The following CSPP1 variants were observed in gnomAD, a reference collection of about 807,000 sequenced individuals.
The protein encoded by CSPP1 is centrosome and spindle pole-associated protein 1.
CSPP1 carries 126 observed loss-of-function variants against 164.4 expected under a neutral mutation model. The ratio of observed to expected loss-of-function variants is 0.77; its 90% CI spans 0.66 to 0.89. The LOEUF (loss-of-function observed/expected upper bound fraction) is 0.89, where lower values mean the gene tolerates loss of function less well. Among genes scored for constraint, CSPP1 ranks in the 40% least tolerant of loss-of-function variants. The pLI is 0.00. For missense variants in CSPP1, 1,395 were observed against 1,449.8 expected (o/e 0.96, Z 0.61); for synonymous variants, 472 against 476.7 (o/e 0.99, Z 0.13).
chr8:67,170,195 A>C (rs1462140466), intron 24 of CSPP1, among the ~76,000 whole-genome samples: 2 of 151,758 alleles, frequency 1.3e-5, no homozygotes, highest in African/African-American at 2.4e-5. Flanking sequence ...CTGTAATCCC[A>C]GCACTTTGGG....
rs763319279 is a variant in CSPP1, at chr8:67,172,487, A to G, written c.2900A>G (p.Gln967Arg). The G allele has an allele frequency of 6.2e-7, 1 of 1,613,370 alleles. No homozygotes were observed. The highest frequency in any genetic ancestry group is 1.1e-5 in the South Asian group (1 of 91,068). ...RHRLQAPVRR[Q>R]SPKGLDAATF... is the part of the protein sequence containing the mutation. The stretch of plus-strand genomic sequence containing the variant: ...CGGTTGCAAGCTCCTGTCAGAAGAC[A>G]GTCCCCTAAGGGCTTAGACGCTGCC... The change falls in exon 25 of 31, where the codon CAG becomes CGG. Residue 967 changes from glutamine (Q) to arginine (R), a missense_variant. Gln to Arg is a conservative substitution (Grantham distance 43, BLOSUM62 1). Coordinates refer to ENST00000678616, the MANE Select transcript of CSPP1 (RefSeq NM_001382391.1).
chr8:67,123,244 G>C (rs1352411572), intron 15 of CSPP1: 1 of 152,084 alleles, frequency 6.6e-6, no homozygotes, highest in Non-Finnish European at 1.5e-5. Flanking sequence ...AATTCTGTCA[G>C]TTTTTGTTTC....
chr8:67,134,726 A>C (rs2129554656), intron 16 of CSPP1: 2 of 151,838 alleles, frequency 1.3e-5, no homozygotes, highest in Middle Eastern at 3.4e-3. Context: ...TGCCCGGCTA[A>C]TTTTTATTTT....
At chr8:67,188,678 G>C (rs968648202) in intron 28 of CSPP1, among the ~76,000 whole-genome samples, 18 of 152,120 alleles carry the variant, frequency 1.2e-4, no homozygotes, top group Non-Finnish European at 4.4e-5. Flanking sequence ...GTTTGCCGCC[G>C]TTGCAGACCT....
chr8:67,161,968 G>A (rs1648120320), intron 22 of CSPP1, 53 bp downstream of exon 22: 3 of 1,174,474 alleles, frequency 2.6e-6, no homozygotes, highest in Non-Finnish European at 3.8e-6. Flanking sequence ...TTTGGATTGG[G>A]GGATCGAATG....
chr8:67,131,741 C>T (rs914518965), intron 15 of CSPP1, among the ~76,000 whole-genome samples: 1 of 152,136 alleles, frequency 6.6e-6, no homozygotes, highest in Non-Finnish European at 1.5e-5. Context: ...GAAATAGATA[C>T]AGTGAATTTG....
At chr8:67,167,875 C>T (rs1175060808) in intron 24 of CSPP1, among the ~76,000 whole-genome samples, 2 of 152,132 alleles carry the variant, frequency 1.3e-5, no homozygotes, top group Non-Finnish European at 2.9e-5. Flanking sequence ...CAGAGATGCT[C>T]CTCACTTCCC....
chr8:67,107,712 C>T (rs1328390018), intron 9 of CSPP1, among the ~76,000 whole-genome samples: 2 of 152,040 alleles, frequency 1.3e-5, no homozygotes, highest in Non-Finnish European at 2.9e-5. Flanking sequence ...AATTTATCTT[C>T]CTATAATTTT....
chr8:67,095,278 T>G lies in CSPP1; in HGVS notation c.484-15T>G, dbSNP rs199671558. On this transcript the variant is annotated splice_polypyrimidine_tract_variant and intron_variant, in intron 6 of 30. Coordinates refer to ENST00000678616, the MANE Select transcript of CSPP1 (RefSeq NM_001382391.1). ...TTGTCAAGTTTTGTTTCTTTTTTCT[T>G]TTTTAATTGAACAGCCCAAGAGTCA... The G allele has an allele frequency of 4.8e-4, 733 of 1,513,298 alleles. 2 individuals carry two copies. The African/African-American group carries it at 9.5e-3, about 20-fold the overall frequency. The allele number at this position is 1,513,298 out of a possible 1,614,324, so 93.7% of individuals were successfully genotyped here.
chr8:67,190,655 T>G lies in CSPP1; in HGVS notation c.3226T>G (p.Tyr1076Asp). 3 of 1,613,774 alleles carry G rather than the reference T, an allele frequency of 1.9e-6. No homozygotes were observed. Among genetic ancestry groups the G allele is most frequent in the South Asian group, 1.1e-5 (1 of 91,072 alleles). The change falls in exon 29 of 31, where the codon TAC (tyrosine) becomes GAC (aspartate). Residue 1076 changes from tyrosine to aspartate, a missense_variant. Physicochemically the swap from Tyr to Asp is radical, Grantham distance 160 (BLOSUM62 -3). Coordinates refer to ENST00000678616, the MANE Select transcript of CSPP1 (RefSeq NM_001382391.1). ...LESDSAFIGA[Y>D]GETYPAIEDD... ...GCTTTTCGGGGTCCTCTTAGGGGCTTACGGTGAGACATATCCTGCCATTGA... is the reference window on the plus strand; with the variant it reads ...GCTTTTCGGGGTCCTCTTAGGGGCTGACGGTGAGACATATCCTGCCATTGA...
intron 18 of CSPP1, 124 bp from the exon 19 acceptor site, chr8:67,153,900 G>C: frequency 1.8e-6 from 1 of 561,732 alleles, no homozygotes; most frequent in Non-Finnish European, 3.1e-6. Flanking sequence ...TTCCCCTTCT[G>C]ATTTTAATCT....
chr8:67,076,471 G>A lies in CSPP1; in HGVS notation c.100-11G>A, dbSNP rs1156835503. 3 of 1,491,398 alleles carry A rather than the reference G, an allele frequency of 2.0e-6. No individual in the cohort carries two copies. Among genetic ancestry groups the A allele is most frequent in the South Asian group, 1.2e-5 (1 of 81,928 alleles). The allele number at this position is 1,491,398 out of a possible 1,614,324, so 92.4% of individuals were successfully genotyped here. The stretch of plus-strand genomic sequence containing the variant: ...TTCCTCTTGCTTTTGTAAACATTAT[G>A]TCTCTTTCAGGGAAAGTTGTCAGCG... On this transcript the variant is annotated splice_polypyrimidine_tract_variant and intron_variant, in intron 2 of 30. Coordinates refer to ENST00000678616, the MANE Select transcript of CSPP1 (RefSeq NM_001382391.1).
rs1563703629 is a variant in CSPP1 at position 67,158,438 on chromosome 8, AT to A, written c.2242-7del. 7 of 1,564,898 alleles carry A rather than the reference AT, an allele frequency of 4.5e-6. No individual in the cohort carries two copies. The highest frequency in any genetic ancestry group is 6.1e-6 in the Non-Finnish European group (7 of 1,153,430). Reference sequence around the variant, plus strand: ...TTTACAAGATAAATAACTAAGTTTAATTCTTTAGATTGAGGAAAAGAAACAA... The same window carrying A: ...TTTACAAGATAAATAACTAAGTTTAATCTTTAGATTGAGGAAAAGAAACAA... On this transcript the variant is annotated splice_region_variant and splice_polypyrimidine_tract_variant and intron_variant, in intron 19 of 30. Coordinates refer to ENST00000678616, the MANE Select transcript of CSPP1 (RefSeq NM_001382391.1).
chr8:67,132,407 T>C (rs1821416002), intron 16 of CSPP1, among the ~76,000 whole-genome samples: 3 of 152,212 alleles, frequency 2.0e-5, no homozygotes, highest in Admixed American at 2.0e-4. Context: ...TCTAGCAGAT[T>C]GTGAAGGACT....
At chr8:67,117,272 A>C (rs1818125929) in intron 13 of CSPP1, among the ~76,000 whole-genome samples, 1 of 152,202 alleles carries the variant, frequency 6.6e-6, no homozygotes, top group Non-Finnish European at 1.5e-5. Flanking sequence ...TAAGGTTTAG[A>C]CACATTGAGT....
At chr8:67,146,122 C>CTTTTTTTTTTTTTTTTTTTTT in intron 17 of CSPP1, among the ~76,000 whole-genome samples, 1 of 125,138 alleles carries the variant, frequency 8.0e-6, no homozygotes. Context: ...ATATACTTTT[C>CTTTTTTTTTTTTTTTTTTTTT]TTTTTTTTTT....
intron 8 of CSPP1, 141 bp downstream of exon 8, chr8:67,103,276 G>C: frequency 1.7e-6 from 1 of 579,128 alleles, no homozygotes; most frequent in Non-Finnish European, 3.0e-6. Context: ...TAAAGGAAAA[G>C]AAAGGTGGGG....
chr8:67,153,931 A>T (rs1826185167), intron 18 of CSPP1, 93 bp from the exon 19 acceptor site: 1 of 588,120 alleles, frequency 1.7e-6, no homozygotes, highest in South Asian at 2.2e-5. Flanking sequence ...TTTTTTTTTA[A>T]AAATGAATTT....
At chr8:67,067,526 C>T (rs1161112619) in intron 1 of CSPP1, among the ~76,000 whole-genome samples, 1 of 151,958 alleles carries the variant, frequency 6.6e-6, no homozygotes, top group African/African-American at 2.4e-5. Context: ...TGCAGTGGCA[C>T]GATCTCAGCT....
Sources: allele counts gnomAD v4.1 joint callset (sites outside exome capture counted in the v4.1 genomes callset), GRCh38; gene constraint gnomAD v4.1.1; transcripts MANE v1.5; gene names NCBI Gene and HGNC (gene_info 2026-07-23, HGNC 2026-07-21).